The following SLIT2 variants were observed in gnomAD, a reference collection of about 807,000 sequenced individuals.
The protein encoded by SLIT2 is slit guidance ligand 2, also known as slit homolog 2 protein.
In SLIT2, 41 loss-of-function variants were observed where a neutral mutation model predicts 185.7. The observed-to-expected ratio is 0.22, with a 90% CI of 0.17 to 0.29. The LOEUF (loss-of-function observed/expected upper bound fraction) is 0.29, where lower values mean the gene tolerates loss of function less well. Among genes scored for constraint, SLIT2 ranks in the 10% least tolerant of loss-of-function variants. The pLI is 1.00. For missense variants in SLIT2, 1,571 were observed against 1,909.0 expected, an observed-to-expected ratio of 0.82 and a Z score of 3.30; for synonymous variants, 693 against 680.2, an observed-to-expected ratio of 1.02 and a Z score of -0.29.
chr4:20,256,267 A>C (rs529025110), intron 1 of SLIT2, among the ~76,000 whole-genome samples: 1 of 151,646 alleles, frequency 6.6e-6, no homozygotes, highest in South Asian at 2.1e-4. Flanking sequence ...TTCTTCCTGA[A>C]TAGCATGAGA....
intron 4 of SLIT2, among the ~76,000 whole-genome samples, chr4:20,326,862 A>T (rs1719644154): frequency 6.7e-6 from 1 of 149,416 alleles, no homozygotes; most frequent in Non-Finnish European, 1.5e-5. Context: ...TCCCCAAACC[A>T]CAGAGTTTAA....
intron 5 of SLIT2, among the ~76,000 whole-genome samples, chr4:20,473,140 C>A (rs915750057): frequency 3.5e-5 from 5 of 141,378 alleles, no homozygotes; most frequent in Admixed American, 7.2e-5. Context: ...TTTTGCAATA[C>A]ATCCACAAAG....
intron 26 of SLIT2, among the ~76,000 whole-genome samples, chr4:20,558,124 G>A (rs1423093871): frequency 2.6e-5 from 4 of 152,114 alleles, no homozygotes; most frequent in Non-Finnish European, 5.9e-5. Context: ...AAAGGATTTA[G>A]AATATTATAT....
intron 4 of SLIT2, among the ~76,000 whole-genome samples, chr4:20,291,592 A>G (rs1715954191): frequency 6.9e-6 from 1 of 144,660 alleles, no homozygotes; most frequent in Admixed American, 7.0e-5. Flanking sequence ...TTTCTGTTTA[A>G]GTTCTATTCA....
chr4:20,508,076 GA>G (rs1361162533), intron 9 of SLIT2, among the ~76,000 whole-genome samples: 1 of 151,316 alleles, frequency 6.6e-6, no homozygotes, highest in African/African-American at 2.4e-5. Context: ...TAGAGCTTTT[GA>G]AAAAAAACTC....
At chr4:20,547,636 T>C (rs1398175839) in intron 22 of SLIT2, among the ~76,000 whole-genome samples, 1 of 151,378 alleles carries the variant, frequency 6.6e-6, no homozygotes, top group Non-Finnish European at 1.5e-5. Context: ...TGCATTTTGC[T>C]TCAGAAAAAA....
intron 4 of SLIT2, among the ~76,000 whole-genome samples, chr4:20,369,696 C>T (rs1723419964): frequency 6.6e-6 from 1 of 152,032 alleles, no homozygotes; most frequent in South Asian, 2.1e-4. Context: ...GTCTAGGGAC[C>T]TCCCCATCCC....
At chr4:20,613,824 C>A (rs1473755657) in intron 34 of SLIT2, among the ~76,000 whole-genome samples, 1 of 152,200 alleles carries the variant, frequency 6.6e-6, no homozygotes, top group Admixed American at 6.5e-5. Flanking sequence ...GCAGCTTAAC[C>A]TACCCTTGGG....
At chr4:20,366,971 G>A (rs1019452147) in intron 4 of SLIT2, among the ~76,000 whole-genome samples, 1 of 151,788 alleles carries the variant, frequency 6.6e-6, no homozygotes, top group African/African-American at 2.4e-5. Context: ...CTAATTTTCT[G>A]ATATTTTTAC....
At chr4:20,383,815 G>T (rs1293917402) in intron 4 of SLIT2, among the ~76,000 whole-genome samples, 2 of 152,024 alleles carry the variant, frequency 1.3e-5, no homozygotes, top group Admixed American at 1.3e-4. Context: ...TGATTCTCCT[G>T]CCTCAGCCTC....
chr4:20,298,222 G>T (rs1716688189), intron 4 of SLIT2, among the ~76,000 whole-genome samples: 1 of 151,872 alleles, frequency 6.6e-6, no homozygotes, highest in African/African-American at 2.4e-5. Context: ...CTGAGTAGCT[G>T]GGATTACAGG....
chr4:20,373,410 A>G (rs1416287629), intron 4 of SLIT2, among the ~76,000 whole-genome samples: 1 of 152,100 alleles, frequency 6.6e-6, no homozygotes. Context: ...GAAATTTTAA[A>G]GAGATAAAAG....
chr4:20,330,649 A>G (rs1448713512), intron 4 of SLIT2, among the ~76,000 whole-genome samples: 1 of 152,032 alleles, frequency 6.6e-6, no homozygotes, highest in Non-Finnish European at 1.5e-5. Context: ...TAGCATATAC[A>G]CACCAATTCT....
chr4:20,386,768 C>T (rs1560377111), intron 4 of SLIT2, among the ~76,000 whole-genome samples: 1 of 152,158 alleles, frequency 6.6e-6, no homozygotes, highest in Non-Finnish European at 1.5e-5. Context: ...TTATAACCTA[C>T]AAGGAACAAA....
At chr4:20,498,714 C>T (rs937129761) in intron 9 of SLIT2, among the ~76,000 whole-genome samples, 1 of 152,140 alleles carries the variant, frequency 6.6e-6, no homozygotes, top group Non-Finnish European at 1.5e-5. Flanking sequence ...TCAGGGGCTC[C>T]AGCTCCATCC....
At chr4:20,483,279 T>A (rs1244293598) in intron 6 of SLIT2, among the ~76,000 whole-genome samples, 1 of 151,964 alleles carries the variant, frequency 6.6e-6, no homozygotes, top group Non-Finnish European at 1.5e-5. Context: ...TATATGAGCG[T>A]ACAAAGAGTG....
chr4:20,274,664 G>C (rs925148079), intron 4 of SLIT2, among the ~76,000 whole-genome samples: 1 of 151,886 alleles, frequency 6.6e-6, no homozygotes, highest in African/African-American at 2.4e-5. Flanking sequence ...CACACAGAGT[G>C]GACCTTCTGA....
intron 4 of SLIT2, among the ~76,000 whole-genome samples, chr4:20,402,975 A>G (rs1434429749): frequency 1.3e-5 from 2 of 151,770 alleles, no homozygotes; most frequent in African/African-American, 2.4e-5. Context: ...TATCTAAATT[A>G]TTTTCATTAT....
rs1294084565 is a variant in SLIT2 at position 20,291,514 on chromosome 4, T to A, written c.395+22633T>A. The stretch of plus-strand genomic sequence containing the variant: ...TATATTTTTTTTTTTTTTTTTTTTT[T>A]TTTTTTTTTACAGCAATGCTATGTG... On this transcript the variant is annotated intron_variant, in intron 4 of 36. Coordinates refer to ENST00000504154, the MANE Select transcript of SLIT2 (RefSeq NM_004787.4). 8.6e-5 allele frequency among the ~76,000 whole-genome samples: 10 copies of A among 115,636 alleles called. No homozygotes were observed. The East Asian group carries it at 9.2e-4, about 11-fold the overall frequency. The allele number at this position is 115,636 out of a possible 152,430, so 75.9% of individuals were successfully genotyped here. A position where few individuals can be genotyped will look rare whatever the true frequency, so the allele number is the denominator to read the frequency against.
Sources: allele counts gnomAD v4.1 joint callset (sites outside exome capture counted in the v4.1 genomes callset), GRCh38; gene constraint gnomAD v4.1.1; transcripts MANE v1.5; gene names NCBI Gene and HGNC (gene_info 2026-07-23, HGNC 2026-07-21).